The following RNF144B variants were observed in gnomAD, a reference collection of about 807,000 sequenced individuals.
The protein encoded by RNF144B is E3 ubiquitin-protein ligase RNF144B.
A neutral mutation model predicts 40.2 loss-of-function variants in RNF144B; 25 were observed. The observed-to-expected ratio is 0.62, with a 90% CI of 0.45 to 0.87. RNF144B has a LOEUF of 0.87. Among genes scored for constraint, RNF144B ranks in the 40% least tolerant of loss-of-function variants. The probability of loss-of-function intolerance (pLI) is 0.00; values close to 1 mark genes in which losing one functional copy is unlikely to be tolerated. For synonymous variants in RNF144B, 145 were observed against 136.3 expected (o/e 1.06, Z -0.44); for missense variants, 365 against 373.7 (o/e 0.98, Z 0.19).
chr6:18,427,877 C>T (rs9358165), intron 3 of RNF144B, among the ~76,000 whole-genome samples, 192 bp downstream of exon 3: 4,640 of 152,268 alleles, frequency 0.03, 153 homozygotes, highest in South Asian at 0.16. Context: ...TATCTCAGTT[C>T]TATTTACATA....
At chr6:18,409,561 C>CT (rs70974741) in intron 2 of RNF144B, among the ~76,000 whole-genome samples, 3,057 of 93,252 alleles carry the variant, frequency 0.033, 260 homozygotes, top group South Asian at 0.19. Flanking sequence ...CTTGCATAAC[C>CT]TTTTTTTTTT....
chr6:18,439,975 T>C (rs2060895193), intron 4 of RNF144B, among the ~76,000 whole-genome samples: 1 of 152,166 alleles, frequency 6.6e-6, no homozygotes, highest in African/African-American at 2.4e-5. Flanking sequence ...TGTTTTGTAT[T>C]TTTAATTTGG....
Position 18,400,577 on chromosome 6 carries a change from C to T in RNF144B, c.165+878C>T, listed in dbSNP as rs1794785143. Among the ~76,000 whole-genome samples, 1 of 152,112 alleles carries T rather than the reference C, an allele frequency of 6.6e-6. No homozygotes were observed. Among genetic ancestry groups the T allele is most frequent in the Non-Finnish European group, 1.5e-5 (1 of 68,022 alleles). On this transcript the variant is annotated intron_variant, in intron 2 of 7. Coordinates refer to ENST00000259939, the MANE Select transcript of RNF144B (RefSeq NM_182757.4). The surrounding 1 kb of genome is among the most constrained non-coding windows in gnomAD (Gnocchi z 5.6). ...GTATCAACACCTGTGACCTTTACTG[C>T]CACTTTTCCTTGAAGGTTGGTCGGT...
At chr6:18,423,706 C>A (rs1484495850) in intron 2 of RNF144B, among the ~76,000 whole-genome samples, 1 of 152,132 alleles carries the variant, frequency 6.6e-6, no homozygotes, top group Non-Finnish European at 1.5e-5. Flanking sequence ...TGTTTGGTTA[C>A]ATTTTTGGTT....
In RNF144B at chr6:18,419,433, A is replaced by G. The variant is rs1363615325; in HGVS notation, c.166-8148A>G. Among the ~76,000 whole-genome samples the G allele has an allele frequency of 6.6e-6, 1 of 152,196 alleles. No individual in the cohort carries two copies. Among genetic ancestry groups the G allele is most frequent in the Admixed American group, 6.6e-5 (1 of 15,266 alleles). On this transcript the variant is annotated intron_variant, in intron 2 of 7. Coordinates refer to ENST00000259939, the MANE Select transcript of RNF144B (RefSeq NM_182757.4). The surrounding 1 kb of genome is among the most constrained non-coding windows in gnomAD (Gnocchi z 4.6). ...ATATAGCAAATGAGGCGACCCAGGA[A>G]GAAAGTGTAGAAAGAAGAGAGTTTA...
chr6:18,445,715 T>C (rs890757556), intron 4 of RNF144B, among the ~76,000 whole-genome samples: 1 of 152,196 alleles, frequency 6.6e-6, no homozygotes, highest in Non-Finnish European at 1.5e-5. Flanking sequence ...ACTAGATTTC[T>C]GAACTTTTTC....
chr6:18,437,233 G>A (rs1020139086), intron 3 of RNF144B, among the ~76,000 whole-genome samples: 4 of 152,158 alleles, frequency 2.6e-5, no homozygotes, highest in African/African-American at 9.7e-5. Context: ...GAAGCTGGGG[G>A]TTTGAGAGCA....
rs951699913 is a variant in RNF144B at position 18,466,378 on chromosome 6, T to C, written c.*1311T>C. 3 of 152,228 alleles carry C rather than the reference T, an allele frequency of 2.0e-5. No individual in the cohort carries two copies. The highest frequency in any genetic ancestry group is 7.2e-5 in the African/African-American group (3 of 41,474). The allele number at this position is 152,228 out of a possible 1,614,324, so 9.4% of individuals were successfully genotyped here. On this transcript the variant is annotated 3_prime_UTR_variant, in exon 8 of 8. Coordinates refer to ENST00000259939, the MANE Select transcript of RNF144B (RefSeq NM_182757.4). ...ATCTGTTAGGACAGTCTGAATACTT[T>C]CTGTTTCAAGGCACTGATAAAACCG...
chr6:18,391,711 CA>C (rs1794584067), intron 1 of RNF144B, among the ~76,000 whole-genome samples: 1 of 147,088 alleles, frequency 6.8e-6, no homozygotes, highest in Non-Finnish European at 1.5e-5. Flanking sequence ...ACTAAAAATA[CA>C]AAAAAATTAG....
intron 1 of RNF144B, among the ~76,000 whole-genome samples, chr6:18,396,087 A>G (rs1794689275): frequency 6.6e-6 from 1 of 152,168 alleles, no homozygotes; most frequent in Admixed American, 6.6e-5. Context: ...TAAAAATTAC[A>G]TATGTTTTTT....
intron 1 of RNF144B, 56 bp downstream of exon 1, chr6:18,387,686 G>T (rs1424174574): frequency 7.9e-7 from 1 of 1,260,716 alleles, no homozygotes; most frequent in Non-Finnish European, 1.0e-6. Context: ...GAATGGTGTT[G>T]CTGGACTAAG....
At chr6:18,396,308 C>T (rs1049378436) in intron 1 of RNF144B, 2 of 795,112 alleles carry the variant, frequency 2.5e-6, no homozygotes, top group Non-Finnish European at 3.0e-6. Context: ...TTAGAGGAAT[C>T]CAATATGTCT....
intron 1 of RNF144B, among the ~76,000 whole-genome samples, chr6:18,388,214 A>G (rs972053124): frequency 1.3e-5 from 2 of 152,152 alleles, no homozygotes; most frequent in Admixed American, 6.5e-5. Flanking sequence ...TTCTCTGGGA[A>G]ATGTTCTTTT....
rs1473346349 is a variant in RNF144B at position 18,425,049 on chromosome 6, ATGTGTGGGTGTGTG to A, written c.166-2525_166-2512del. On this transcript the variant is annotated intron_variant, in intron 2 of 7. Coordinates refer to ENST00000259939, the MANE Select transcript of RNF144B (RefSeq NM_182757.4). The surrounding 1 kb of genome is among the most constrained non-coding windows in gnomAD (Gnocchi z 4.2). Reference sequence around the variant, plus strand: ...ATATAAATTTCACGTGTATGTGTGTATGTGTGGGTGTGTGTGTGTGTGTGTTAAAACCTGTGAGG... The same window carrying A: ...ATATAAATTTCACGTGTATGTGTGTATGTGTGTGTGTTAAAACCTGTGAGG... Among the ~76,000 whole-genome samples, 1 of 148,026 alleles carries A rather than the reference ATGTGTGGGTGTGTG, an allele frequency of 6.8e-6. No individual in the cohort carries two copies. Among genetic ancestry groups the A allele is most frequent in the African/African-American group, 2.5e-5 (1 of 40,594 alleles).
At position 18,414,912 on chromosome 6, in the gene RNF144B, T is replaced by C. The variant is rs1795117437; in HGVS notation, c.166-12669T>C. On this transcript the variant is annotated intron_variant, in intron 2 of 7. Coordinates refer to ENST00000259939, the MANE Select transcript of RNF144B (RefSeq NM_182757.4). This position sits in a 1 kb window ranked among gnomAD's most constrained non-coding sequence, Gnocchi z 4.9. ...CAACAAATACCTGTAGAGTTATCCC[T>C]TGGTATCTTCAGGATATTGGTTCCA... 6.6e-6 allele frequency among the ~76,000 whole-genome samples: 1 copy of C among 152,192 alleles called. No homozygotes were observed. Among genetic ancestry groups the C allele is most frequent in the Non-Finnish European group, 1.5e-5 (1 of 68,028 alleles).
chr6:18,453,315 T>G (rs1759254028), intron 4 of RNF144B, among the ~76,000 whole-genome samples: 3 of 151,658 alleles, frequency 2.0e-5, no homozygotes, highest in African/African-American at 7.3e-5. Flanking sequence ...ATTTTTGTAT[T>G]TTTAGTAGAG....
At chr6:18,397,741 T>C (rs892556600) in intron 1 of RNF144B, among the ~76,000 whole-genome samples, 1 of 152,160 alleles carries the variant, frequency 6.6e-6, no homozygotes, top group Admixed American at 6.5e-5. Flanking sequence ...CCTTCCTCCT[T>C]CTTTTCTCTG....
rs1348974208 is a variant in RNF144B, at chr6:18,410,714, C to T, written c.165+11015C>T. Among the ~76,000 whole-genome samples the T allele has an allele frequency of 6.6e-6, 1 of 151,978 alleles. No individual in the cohort carries two copies. The highest frequency in any genetic ancestry group is 1.5e-5 in the Non-Finnish European group (1 of 68,018). On this transcript the variant is annotated intron_variant, in intron 2 of 7. Coordinates refer to ENST00000259939, the MANE Select transcript of RNF144B (RefSeq NM_182757.4). The surrounding 1 kb of genome is among the most constrained non-coding windows in gnomAD (Gnocchi z 4.6). ...GTGTTAAAAAAACATTATGGAGCCA[C>T]TGGAAGGCTTTGTTTGGGAATGAGA...
rs920194994 is a variant in RNF144B, at chr6:18,406,227, A to G, written c.165+6528A>G. Reference sequence around the variant, plus strand: ...GTTTGTGCTATGGAAAAATAGGGTGAGGGGGGTCAGGAGTGCTGTGGGGAA... The same window carrying G: ...GTTTGTGCTATGGAAAAATAGGGTGGGGGGGGTCAGGAGTGCTGTGGGGAA... On this transcript the variant is annotated intron_variant, in intron 2 of 7. Coordinates refer to ENST00000259939, the MANE Select transcript of RNF144B (RefSeq NM_182757.4). The surrounding 1 kb of genome is among the most constrained non-coding windows in gnomAD (Gnocchi z 4.2). The G allele has an allele frequency of 2.6e-5, 13 of 500,426 alleles. No homozygotes were observed. The highest frequency in any genetic ancestry group is 8.0e-5 in the Admixed American group (4 of 50,124). The allele number at this position is 500,426 out of a possible 1,614,324, so 31.0% of individuals were successfully genotyped here. A position where few individuals can be genotyped will look rare whatever the true frequency, so the allele number is the denominator to read the frequency against.
Sources: gnomAD v4.1 joint callset for allele counts (sites outside exome capture counted in the v4.1 genomes callset) on GRCh38, gnomAD v4.1.1 for gene constraint, Gnocchi (gnomAD v3.1) non-coding constraint, MANE v1.5 for transcripts, NCBI Gene and HGNC (gene_info 2026-07-23, HGNC 2026-07-21) for gene names.